Variants in WWTR1 observed in about 807,000 individuals in gnomAD.
WWTR1 encodes WW domain-containing transcription regulator protein 1.
WWTR1 carries 13 observed loss-of-function variants against 40.1 expected under a neutral mutation model. That is an observed-to-expected ratio of 0.32 (90% confidence interval 0.21 to 0.52). The LOEUF is 0.52. Among genes scored for constraint, WWTR1 ranks in the 20% least tolerant of loss-of-function variants. The probability of loss-of-function intolerance (pLI) is 0.97; values close to 1 mark genes in which losing one functional copy is unlikely to be tolerated. For synonymous variants in WWTR1, 230 were observed against 210.1 expected (o/e 1.09, Z -0.82); for missense variants, 436 against 523.1 (o/e 0.83, Z 1.63).
At chr3:149,562,884 A>G (rs1737149772) in intron 3 of WWTR1, among the ~76,000 whole-genome samples, 1 of 152,090 alleles carries the variant, frequency 6.6e-6, no homozygotes, top group African/African-American at 2.4e-5. Context: ...TGGGTGGGAG[A>G]GGTGATGATC....
At chr3:149,703,888 TC>T (rs1715267497), upstream of WWTR1, among the ~76,000 whole-genome samples, 1 of 152,228 alleles carries the variant, frequency 6.6e-6, no homozygotes, top group African/African-American at 2.4e-5. Flanking sequence ...GGCGCATGCT[TC>T]TCATCCAGCC....
intron 3 of WWTR1, among the ~76,000 whole-genome samples, chr3:149,548,936 T>G (rs1166340533): frequency 6.6e-6 from 1 of 152,190 alleles, no homozygotes; most frequent in East Asian, 1.9e-4. Context: ...CAGCACCTAT[T>G]TCCTAACAGT....
At chr3:149,542,603 T>C (rs1736167083) in intron 3 of WWTR1, 66 bp from the exon 4 acceptor site, 2 of 1,471,340 alleles carry the variant, frequency 1.4e-6, no homozygotes, top group Non-Finnish European at 1.8e-6. Context: ...AAATAGACCA[T>C]CAGAATGTTT....
At chr3:149,675,013 G>A (rs1714215479) in intron 1 of WWTR1, among the ~76,000 whole-genome samples, 1 of 152,232 alleles carries the variant, frequency 6.6e-6, no homozygotes. Context: ...AGACCAGTTG[G>A]TAAACTATCA....
chr3:149,686,293 C>A (rs897157584), intron 1 of WWTR1, among the ~76,000 whole-genome samples: 18 of 152,160 alleles, frequency 1.2e-4, no homozygotes, highest in Non-Finnish European at 1.5e-5. Flanking sequence ...TATTTCCAGG[C>A]ATCACATCTC....
intron 2 of WWTR1, among the ~76,000 whole-genome samples, chr3:149,620,476 G>A (rs1026318757): frequency 6.6e-6 from 1 of 152,026 alleles, no homozygotes; most frequent in African/African-American, 2.4e-5. Context: ...TTTGTGGGCA[G>A]TGCCTTCAAA....
At chr3:149,702,555 C>G (rs1431524135) in intron 1 of WWTR1, 1 of 151,518 alleles carries the variant, frequency 6.6e-6, no homozygotes, top group African/African-American at 2.4e-5. Context: ...TTAAATGAGA[C>G]CACGTATGTG....
At chr3:149,563,410 T>C (rs1328658672) in intron 3 of WWTR1, among the ~76,000 whole-genome samples, 1 of 152,134 alleles carries the variant, frequency 6.6e-6, no homozygotes, top group African/African-American at 2.4e-5. Flanking sequence ...ACCCAGTGGA[T>C]TAAACAATAC....
intron 2 of WWTR1, among the ~76,000 whole-genome samples, chr3:149,648,377 A>G (rs1232758943): frequency 6.6e-6 from 1 of 152,150 alleles, no homozygotes; most frequent in African/African-American, 2.4e-5. Context: ...AAGCAAGACA[A>G]ACATCGTTCT....
chr3:149,643,147 C>G (rs1712282867), intron 2 of WWTR1, among the ~76,000 whole-genome samples: 1 of 152,164 alleles, frequency 6.6e-6, no homozygotes, highest in Non-Finnish European at 1.5e-5. Flanking sequence ...TGTGAAAGGG[C>G]AAACTGGCCT....
chr3:149,642,741 C>T lies in WWTR1; in HGVS notation c.431+14135G>A, dbSNP rs1030305342. Among the ~76,000 whole-genome samples the T allele has an allele frequency of 2.7e-5, 4 of 150,942 alleles. No homozygotes were observed. The East Asian group carries it at 7.8e-4, about 29-fold the overall frequency. Reference sequence around the variant, plus strand: ...AGTGAGCCGAGATCGGGCCACTGCACTCCAGCCTGGGCGACAGAGTGAGAC... The same window carrying T: ...AGTGAGCCGAGATCGGGCCACTGCATTCCAGCCTGGGCGACAGAGTGAGAC... On this transcript the variant is annotated intron_variant, in intron 2 of 6. Coordinates refer to ENST00000360632, the MANE Select transcript of WWTR1 (RefSeq NM_015472.6).
rs1374158004 is a variant in WWTR1, at chr3:149,519,428, A to G, written c.*1377T>C. 1 of 152,258 alleles carries G rather than the reference A, an allele frequency of 6.6e-6. No homozygotes were observed. The highest frequency in any genetic ancestry group is 2.4e-5 in the African/African-American group (1 of 41,470). The allele number at this position is 152,258 out of a possible 1,614,324, so 9.4% of individuals were successfully genotyped here. A position where few individuals can be genotyped will look rare whatever the true frequency, so the allele number is the denominator to read the frequency against. Reference sequence around the variant, plus strand: ...TGCTTCATCCTTCAGTTTCATAGATAGAATTATTTTAAACACTTGAAATCT... The same window carrying G: ...TGCTTCATCCTTCAGTTTCATAGATGGAATTATTTTAAACACTTGAAATCT... On this transcript the variant is annotated 3_prime_UTR_variant, in exon 7 of 7. Coordinates refer to ENST00000360632, the MANE Select transcript of WWTR1 (RefSeq NM_015472.6).
Position 149,669,894 on chromosome 3 carries a change from G to A in WWTR1, c.-107-3C>T, listed in dbSNP as rs3811715. ...CAGAGATGTATTGGGGAAAATGCCT[G>A]CAAAAGTTAAAGAGGAGAAAGAAGG... On this transcript the variant is annotated splice_polypyrimidine_tract_variant and splice_region_variant and intron_variant, in intron 1 of 7. Coordinates refer to the WWTR1 transcript ENST00000465804. The A allele has an allele frequency of 0.2, 30,201 of 152,232 alleles. 3,247 individuals carry two copies. The highest frequency in any genetic ancestry group is 0.3 in the Admixed American group (4,584 of 15,276). The allele number at this position is 152,232 out of a possible 1,614,324, so 9.4% of individuals were successfully genotyped here.
chr3:149,662,789 C>T (rs1713641592), upstream of WWTR1, among the ~76,000 whole-genome samples: 1 of 152,068 alleles, frequency 6.6e-6, no homozygotes, highest in South Asian at 2.1e-4. Flanking sequence ...GCTTTCTGAC[C>T]CTGGTTCTTA....
Position 149,681,977 on chromosome 3 carries a change from A to G in WWTR1, c.-107-12086T>C, listed in dbSNP as rs943619811. On this transcript the variant is annotated intron_variant, in intron 1 of 7. Coordinates refer to the WWTR1 transcript ENST00000465804. ...AAAGCTGCTGTACAACATTGTGCCT[A>G]TAGTTGACAATATGGTATTGCATAC... Among the ~76,000 whole-genome samples, 10 of 152,358 alleles carry G rather than the reference A, an allele frequency of 6.6e-5. No individual in the cohort carries two copies. In the East Asian group the frequency reaches 9.6e-4, roughly 15 times the overall value.
chr3:149,622,506 A>AAGGAAGG (rs1560089799), intron 2 of WWTR1, among the ~76,000 whole-genome samples: 463 of 91,246 alleles, frequency 5.1e-3, no homozygotes, highest in Non-Finnish European at 5.9e-3. Context: ...AGGAAGGAAG[A>AAGGAAGG]AAGAAAGAAA....
chr3:149,647,437 G>A (rs901011179), intron 2 of WWTR1, among the ~76,000 whole-genome samples: 1 of 152,226 alleles, frequency 6.6e-6, no homozygotes, highest in Non-Finnish European at 1.5e-5. Flanking sequence ...CTGGTGGGAT[G>A]ACTATGGTTC....
chr3:149,711,136 GA>G (rs1161863527), intron 5 of WWTR1, among the ~76,000 whole-genome samples: 18 of 141,212 alleles, frequency 1.3e-4, no homozygotes, highest in African/African-American at 4.8e-4. Flanking sequence ...AGAGGAGACA[GA>G]AGCGTAGGGT....
chr3:149,534,359 C>T (rs1735729489), intron 4 of WWTR1, among the ~76,000 whole-genome samples: 1 of 152,246 alleles, frequency 6.6e-6, no homozygotes, highest in Non-Finnish European at 1.5e-5. Context: ...AAATTGTCAA[C>T]CCTTTCACCT....
Sources: allele counts gnomAD v4.1 joint callset (sites outside exome capture counted in the v4.1 genomes callset), GRCh38; gene constraint gnomAD v4.1.1; transcripts MANE v1.5; gene names NCBI Gene and HGNC (gene_info 2026-07-23, HGNC 2026-07-21).